The following CWF19L2 variants were observed in gnomAD, a reference collection of about 807,000 sequenced individuals.
CWF19L2 encodes CWF19 like cell cycle control factor 2.
In CWF19L2, 98 loss-of-function variants were observed where a neutral mutation model predicts 111.7. The observed-to-expected ratio is 0.88, with a 90% CI of 0.75 to 1.04. The LOEUF is 1.04. CWF19L2 is among the 50% of genes least tolerant of loss of function. CWF19L2 has a pLI of 0.00. For missense variants in CWF19L2, 1,101 were observed against 1,051.4 expected (o/e 1.05, Z -0.65); for synonymous variants, 351 against 342.9 (o/e 1.02, Z -0.26).
At chr11:107,452,373 G>C (rs1039471878) in intron 3 of CWF19L2, among the ~76,000 whole-genome samples, 2 of 151,142 alleles carry the variant, frequency 1.3e-5, no homozygotes, top group Non-Finnish European at 2.9e-5. Flanking sequence ...ACTCACGATA[G>C]CACTTCCAGA....
chr11:107,408,588 T>C (rs1376187708), intron 10 of CWF19L2, among the ~76,000 whole-genome samples: 1 of 152,006 alleles, frequency 6.6e-6, no homozygotes, highest in Non-Finnish European at 1.5e-5. Context: ...CCTATAGTAA[T>C]ACTCTATTTC....
At chr11:107,409,120 A>C (rs1247511116) in intron 10 of CWF19L2, among the ~76,000 whole-genome samples, 1 of 152,004 alleles carries the variant, frequency 6.6e-6, no homozygotes, top group Non-Finnish European at 1.5e-5. Flanking sequence ...ACACAGTCTA[A>C]CAGTTCACAT....
At chr11:107,372,464 G>C (rs1860525176) in intron 12 of CWF19L2, among the ~76,000 whole-genome samples, 1 of 136,604 alleles carries the variant, frequency 7.3e-6, no homozygotes, top group Admixed American at 7.2e-5. Flanking sequence ...GGATGGAGCA[G>C]AGGAAGCAAA....
intron 12 of CWF19L2, among the ~76,000 whole-genome samples, chr11:107,381,873 T>C (rs1746190426): frequency 6.6e-6 from 1 of 152,176 alleles, no homozygotes; most frequent in Non-Finnish European, 1.5e-5. Flanking sequence ...ATACAAACAC[T>C]TTATTAGACA....
At chr11:107,442,868 A>AGGAG (rs1206781603) in intron 4 of CWF19L2, 71 bp downstream of exon 4, 31 of 522,510 alleles carry the variant, frequency 5.9e-5, no homozygotes, top group African/African-American at 1.5e-4. Context: ...TAGAGAGGGA[A>AGGAG]GGAGGGAGGG....
chr11:107,455,105 T>C (rs1223740224), intron 2 of CWF19L2, among the ~76,000 whole-genome samples: 2 of 152,142 alleles, frequency 1.3e-5, no homozygotes, highest in Non-Finnish European at 2.9e-5. Context: ...GATCTATTAC[T>C]GATGACCACA....
At chr11:107,408,766 A>G (rs575181702) in intron 10 of CWF19L2, among the ~76,000 whole-genome samples, 25 of 152,100 alleles carry the variant, frequency 1.6e-4, no homozygotes, top group African/African-American at 5.8e-4. Flanking sequence ...TAAATGACTA[A>G]AAGGAAATAA....
At chr11:107,399,170 G>T (rs991298515) in intron 10 of CWF19L2, among the ~76,000 whole-genome samples, 6 of 152,156 alleles carry the variant, frequency 3.9e-5, no homozygotes, top group African/African-American at 1.4e-4. Context: ...AAAAACAAAA[G>T]TACACAGGCA....
intron 5 of CWF19L2, 131 bp from the exon 6 acceptor site, chr11:107,439,314 T>TCA (rs1342347399): frequency 6.5e-6 from 4 of 613,514 alleles, no homozygotes; most frequent in African/African-American, 5.7e-5. Flanking sequence ...TCTTAAGATA[T>TCA]GCTGTTCTGT....
intron 12 of CWF19L2, among the ~76,000 whole-genome samples, chr11:107,388,810 A>G (rs962682281): frequency 6.6e-6 from 1 of 152,206 alleles, no homozygotes; most frequent in African/African-American, 2.4e-5. Flanking sequence ...TCTGAAAAGG[A>G]AACTCTAATA....
At chr11:107,357,007 C>T (rs1284704585) in intron 12 of CWF19L2, among the ~76,000 whole-genome samples, 1 of 152,114 alleles carries the variant, frequency 6.6e-6, no homozygotes, top group East Asian at 1.9e-4. Flanking sequence ...CATTGCACTC[C>T]AGCCTGGGCA....
chr11:107,368,570 T>C (rs1860465930), intron 12 of CWF19L2, among the ~76,000 whole-genome samples: 1 of 138,136 alleles, frequency 7.2e-6, no homozygotes, highest in African/African-American at 2.9e-5. Flanking sequence ...ATAATGATTT[T>C]ATTAAACAGT....
chr11:107,376,039 A>G lies in CWF19L2; in HGVS notation c.1872+14035T>C, dbSNP rs1468458640. On this transcript the variant is annotated intron_variant, in intron 12 of 17. Coordinates refer to ENST00000282251, the MANE Select transcript of CWF19L2 (RefSeq NM_152434.3). Reference sequence around the variant, plus strand: ...AAGAAATGGATAAATTCCTCGACACATACACTCTCCCAAGACTAAACCAGG... The same window carrying G: ...AAGAAATGGATAAATTCCTCGACACGTACACTCTCCCAAGACTAAACCAGG... Among the ~76,000 whole-genome samples, 4 of 123,646 alleles carry G rather than the reference A, an allele frequency of 3.2e-5. No individual in the cohort carries two copies. The East Asian group carries it at 9.4e-4, about 29-fold the overall frequency. The allele number at this position is 123,646 out of a possible 152,430, so 81.1% of individuals were successfully genotyped here.
In CWF19L2 at chr11:107,334,951, A is replaced by G. The variant is rs770180853; in HGVS notation, c.2369T>C (p.Met790Thr). The change falls in exon 16 of 18, where the codon ATG becomes ACG. Residue 790 changes from methionine to threonine, a missense_variant. Coordinates refer to ENST00000282251, the MANE Select transcript of CWF19L2 (RefSeq NM_152434.3). ...MAPIYFKKAI[M>T]ESDEEWSMNK... is the part of the protein sequence containing the mutation. Reference sequence around the variant, plus strand: ...CATGGACCACTCTTCATCAGATTCCATTATGGCTTTCTAAGAAATATCCAT... The same window carrying G: ...CATGGACCACTCTTCATCAGATTCCGTTATGGCTTTCTAAGAAATATCCAT... The G allele has an allele frequency of 1.9e-6, 3 of 1,597,570 alleles. No individual in the cohort carries two copies. The African/African-American group carries it at 4.0e-5, about 21-fold the overall frequency.
rs762526502 is a variant in CWF19L2 at position 107,454,513 on chromosome 11, T to C, written c.276A>G (p.Glu92=). 6.7e-7 allele frequency: 1 copy of C among 1,483,240 alleles called. No homozygotes were observed. The highest frequency in any genetic ancestry group is 1.4e-5 in the South Asian group (1 of 70,708). The allele number at this position is 1,483,240 out of a possible 1,614,324, so 91.9% of individuals were successfully genotyped here. ...TCTGTTTCTTGCTCTTTTTTTTCTT[T>C]TCTTTCTTTGCTTTTTTTGAATGCT... ...KDKHSKKAKK[E]KKKKSKKQKY... is the part of the protein sequence containing the mutation. The change falls in exon 3 of 18, where the codon GAA becomes GAG. Residue 92 remains glutamate, a synonymous_variant. Transcript: ENST00000282251.
At chr11:107,330,088 T>G in intron 16 of CWF19L2, 69 bp from the exon 17 acceptor site, 1 of 854,882 alleles carries the variant, frequency 1.2e-6, no homozygotes, top group Non-Finnish European at 1.8e-6. Flanking sequence ...ATCCCTCCCC[T>G]CTTCTCTGGA....
intron 1 of CWF19L2, among the ~76,000 whole-genome samples, chr11:107,456,219 T>C (rs773193896): frequency 5.9e-5 from 9 of 152,160 alleles, no homozygotes; most frequent in Admixed American, 2.0e-4. Flanking sequence ...GAATCATCTC[T>C]GTATAAAGAA....
At chr11:107,420,738 A>T (rs34998695) in intron 8 of CWF19L2, among the ~76,000 whole-genome samples, 1 of 152,102 alleles carries the variant, frequency 6.6e-6, no homozygotes. Flanking sequence ...AACAACAACC[A>T]ATAACAAAAT....
At position 107,457,717 on chromosome 11, in the gene CWF19L2, G is replaced by C; in HGVS notation, c.100C>G (p.Arg34Gly). The change falls in exon 1 of 18, where the codon CGC becomes GGC. Residue 34 changes from arginine to glycine, a missense_variant. Transcript: ENST00000282251. ...QTRNARAEVL[R>G]QAKANFEKEE... Reference sequence around the variant, plus strand: ...AAGCCCCAAAACAGAGGTACCTGGCGCAACACCTCGGCCCTGGCATTCCGG... The same window carrying C: ...AAGCCCCAAAACAGAGGTACCTGGCCCAACACCTCGGCCCTGGCATTCCGG... 6.4e-7 allele frequency: 1 copy of C among 1,550,614 alleles called. No individual in the cohort carries two copies. The highest frequency in any genetic ancestry group is 8.7e-7 in the Non-Finnish European group (1 of 1,146,042).
Sources: gnomAD v4.1 joint callset for allele counts (sites outside exome capture counted in the v4.1 genomes callset) on GRCh38, gnomAD v4.1.1 for gene constraint, MANE v1.5 for transcripts, NCBI Gene and HGNC (gene_info 2026-07-23, HGNC 2026-07-21) for gene names.